Variants in HEATR1 observed in about 807,000 individuals in gnomAD.
HEATR1 encodes HEAT repeat containing 1, also known as HEAT repeat-containing protein 1.
A neutral mutation model predicts 248.2 loss-of-function variants in HEATR1; 77 were observed. That is an observed-to-expected ratio of 0.31 (90% CI 0.26 to 0.37). The LOEUF is 0.37. Among genes scored for constraint, HEATR1 ranks in the 10% least tolerant of loss-of-function variants. HEATR1 has a pLI of 1.00. For missense variants in HEATR1, 2,420 were observed against 2,504.9 expected, an observed-to-expected ratio of 0.97 and a Z score of 0.72; for synonymous variants, 897 against 923.1, an observed-to-expected ratio of 0.97 and a Z score of 0.51.
intron 19 of HEATR1, 117 bp downstream of exon 19, chr1:236,582,619 T>C: frequency 1.0e-6 from 1 of 975,806 alleles, no homozygotes; most frequent in East Asian, 2.4e-5. Flanking sequence ...GCCAGGCTGG[T>C]ATTGAACTCC....
chr1:236,550,741 C>T lies in HEATR1; in HGVS notation c.*161G>A, dbSNP rs1662691702. On this transcript the variant is annotated 3_prime_UTR_variant, in exon 45 of 45. Transcript: ENST00000366582. ...GGCAGGAGAGGCTTATGTGGCAGCA[C>T]AAGCCAGGTGGGGATTTTGTAAAGA... The T allele has an allele frequency of 1.2e-5, 7 of 573,880 alleles. No individual in the cohort carries two copies. Among genetic ancestry groups the T allele is most frequent in the South Asian group, 9.8e-5 (4 of 40,912 alleles). The allele number at this position is 573,880 out of a possible 1,614,324, so 35.5% of individuals were successfully genotyped here.
At chr1:236,562,773 C>T (rs1426644713) in intron 32 of HEATR1, among the ~76,000 whole-genome samples, 3 of 152,184 alleles carry the variant, frequency 2.0e-5, no homozygotes, top group South Asian at 2.1e-4. Context: ...CTATTTCTTC[C>T]AAGTTTTCTT....
chr1:236,592,990 T>C (rs1001985039), intron 9 of HEATR1, among the ~76,000 whole-genome samples: 2 of 151,982 alleles, frequency 1.3e-5, no homozygotes, highest in South Asian at 4.2e-4. Flanking sequence ...AGGACAGGAG[T>C]TCGAGATCAG....
chr1:236,591,130 T>TGCAATA (rs11280559), intron 11 of HEATR1, among the ~76,000 whole-genome samples, 176 bp from the exon 12 acceptor site: 93,482 of 151,358 alleles, frequency 0.62, 30,389 homozygotes, highest in East Asian at 0.72. Flanking sequence ...TCACATGAGT[T>TGCAATA]GATGAAAAAA....
At position 236,574,420 on chromosome 1, in the gene HEATR1, CA is replaced by C. The variant is rs768654145; in HGVS notation, c.3328-88del. The C allele has an allele frequency of 2.1e-5, 30 of 1,444,138 alleles. No individual in the cohort carries two copies. The East Asian group carries it at 4.4e-4, about 21-fold the overall frequency. The allele number at this position is 1,444,138 out of a possible 1,614,324, so 89.5% of individuals were successfully genotyped here. A position where few individuals can be genotyped will look rare whatever the true frequency, so the allele number is the denominator to read the frequency against. Reference sequence around the variant, plus strand: ...TTTTATATCAACCTCTCTCAAAATACAAAATTGTTTCCCACTTAATTTTGTC... The same window carrying C: ...TTTTATATCAACCTCTCTCAAAATACAAATTGTTTCCCACTTAATTTTGTC... On this transcript the variant is annotated intron_variant, in intron 23 of 44. Coordinates refer to ENST00000366582, the MANE Select transcript of HEATR1 (RefSeq NM_018072.6).
intron 2 of HEATR1, 37 bp from the exon 3 acceptor site, chr1:236,603,413 T>C: frequency 6.4e-7 from 1 of 1,560,184 alleles, no homozygotes; most frequent in Non-Finnish European, 8.8e-7. Context: ...TTAACAATTC[T>C]TCGTAAGCAA....
intron 26 of HEATR1, among the ~76,000 whole-genome samples, chr1:236,572,059 A>G (rs1663443777): frequency 6.6e-6 from 1 of 152,184 alleles, no homozygotes. Flanking sequence ...ATCTATATAT[A>G]TGAAAATATA....
Position 236,574,302 on chromosome 1 carries a change from T to A in HEATR1, c.3359A>T (p.Asp1120Val), listed in dbSNP as rs1239661224. The A allele has an allele frequency of 6.2e-7, 1 of 1,611,796 alleles. No individual in the cohort carries two copies. Among genetic ancestry groups the A allele is most frequent in the African/African-American group, 1.3e-5 (1 of 74,910 alleles). Residue 1120 changes from aspartate to valine, a missense_variant, in exon 24 of 45, where the codon GAT (aspartate) becomes GTT (valine). Physicochemically the swap from Asp to Val is radical, Grantham distance 152. Coordinates refer to ENST00000366582, the MANE Select transcript of HEATR1 (RefSeq NM_018072.6). ...TAAAAGCTTCTGCTGAACTTTTTCA[T>A]CTGATATGGCTGCAAAAAATGGTTT... Reference protein sequence around the residue: ...ITKPFFAAISDEKVQQKLLRM... With the variant: ...ITKPFFAAISVEKVQQKLLRM...
At chr1:236,600,839 A>C (rs1664304111) in intron 3 of HEATR1, among the ~76,000 whole-genome samples, 1 of 152,098 alleles carries the variant, frequency 6.6e-6, no homozygotes, top group Non-Finnish European at 1.5e-5. Context: ...CCAGCCTCTT[A>C]GTTTGACATA....
At chr1:236,562,263 C>A (rs1428434565) in intron 32 of HEATR1, among the ~76,000 whole-genome samples, 2 of 152,170 alleles carry the variant, frequency 1.3e-5, no homozygotes, top group Non-Finnish European at 2.9e-5. Flanking sequence ...TTATGCAGAG[C>A]AATAATCTTC....
intron 9 of HEATR1, 62 bp from the exon 10 acceptor site, chr1:236,592,695 T>C: frequency 1.5e-6 from 1 of 652,570 alleles, no homozygotes; most frequent in Non-Finnish European, 2.7e-6. Context: ...GAGTACCTAC[T>C]ATATTCTAAG....
At chr1:236,552,155 T>C in intron 43 of HEATR1, 48 bp from the exon 44 acceptor site, 3 of 1,266,600 alleles carry the variant, frequency 2.4e-6, no homozygotes, top group Non-Finnish European at 3.4e-6. Flanking sequence ...GTTACTGTAT[T>C]TATTATCTTA....
At chr1:236,556,023 CTTCT>C (rs1318792407) in intron 38 of HEATR1, 73 bp downstream of exon 38, 19 of 1,605,850 alleles carry the variant, frequency 1.2e-5, no homozygotes, top group African/African-American at 5.4e-5. Flanking sequence ...ACTAAATCTT[CTTCT>C]TTAAGTCAAA....
At chr1:236,571,716 G>T in intron 26 of HEATR1, 30 bp from the exon 27 acceptor site, 1 of 1,495,128 alleles carries the variant, frequency 6.7e-7, no homozygotes, top group Non-Finnish European at 9.3e-7. Context: ...GAAATGATGG[G>T]AAATGTAAAA....
intron 44 of HEATR1, 167 bp downstream of exon 44, chr1:236,551,832 A>G: frequency 3.5e-6 from 2 of 569,188 alleles, no homozygotes; most frequent in African/African-American, 1.9e-5. Context: ...AACTCAAAAC[A>G]GGAGCTCGAG....
intron 17 of HEATR1, 104 bp from the exon 18 acceptor site, chr1:236,583,300 T>G: frequency 1.0e-6 from 1 of 958,514 alleles, no homozygotes; most frequent in Non-Finnish European, 1.5e-6. Flanking sequence ...TATGTGTGCA[T>G]TTTGGTGGGG....
In HEATR1 at chr1:236,596,071, A is replaced by C. The variant is rs745926827; in HGVS notation, c.745-27T>G. The stretch of plus-strand genomic sequence containing the variant: ...TAAATATTTTTTAAATATAAGGAAA[A>C]ATGATAAACCATATTATTTTCTGCT... On this transcript the variant is annotated intron_variant, in intron 6 of 44. Transcript: ENST00000366582. 2.0e-6 allele frequency: 3 copies of C among 1,492,462 alleles called. No homozygotes were observed. In the East Asian group the frequency reaches 6.9e-5, roughly 34 times the overall value. The allele number at this position is 1,492,462 out of a possible 1,614,324, so 92.5% of individuals were successfully genotyped here.
intron 14 of HEATR1, among the ~76,000 whole-genome samples, 186 bp from the exon 15 acceptor site, chr1:236,586,638 TTTTA>T (rs910640643): frequency 1.2e-4 from 19 of 152,066 alleles, no homozygotes; most frequent in Admixed American, 9.8e-4. Flanking sequence ...GTGACAATAT[TTTTA>T]TTTATTTATT....
intron 7 of HEATR1, 47 bp downstream of exon 7, chr1:236,595,786 T>C (rs1664162981): frequency 4.6e-6 from 7 of 1,537,372 alleles, no homozygotes; most frequent in Non-Finnish European, 6.2e-6. Flanking sequence ...TCAAAATAAT[T>C]TTATTCACCT....
Sources: gnomAD v4.1 joint callset for allele counts (sites outside exome capture counted in the v4.1 genomes callset) on GRCh38, gnomAD v4.1.1 for gene constraint, MANE v1.5 for transcripts, NCBI Gene and HGNC (gene_info 2026-07-23, HGNC 2026-07-21) for gene names.